SNX29: variants seen among roughly 807,000 people sequenced by gnomAD.
SNX29 encodes the protein sorting nexin-29.
SNX29 carries 78 observed loss-of-function variants against 102.1 expected under a neutral mutation model. That is an observed-to-expected ratio of 0.76 (90% CI 0.64 to 0.92). SNX29 has a LOEUF of 0.92. SNX29 is among the 40% of genes least tolerant of loss of function. The pLI is 0.00. For missense variants in SNX29, 1,280 were observed against 1,061.7 expected, an observed-to-expected ratio of 1.21 and a Z score of -2.86; for synonymous variants, 580 against 414.5, an observed-to-expected ratio of 1.40 and a Z score of -4.85.
chr16:12,558,956 C>T (rs1009608014), intron 20 of SNX29, among the ~76,000 whole-genome samples: 1 of 152,188 alleles, frequency 6.6e-6, no homozygotes, highest in Non-Finnish European at 1.5e-5. Flanking sequence ...CCCCATGTTT[C>T]AGGTAACAGA....
intron 13 of SNX29, among the ~76,000 whole-genome samples, chr16:12,153,023 C>G (rs1345386379): frequency 1.3e-5 from 2 of 152,214 alleles, no homozygotes; most frequent in Admixed American, 1.3e-4. Context: ...TGGTGATTGT[C>G]AGAGTGTCTC....
intron 14 of SNX29, among the ~76,000 whole-genome samples, chr16:12,233,815 G>A (rs1444653245): frequency 1.3e-5 from 2 of 152,144 alleles, no homozygotes; most frequent in African/African-American, 4.8e-5. Context: ...CTCTGTGGAT[G>A]TGCCTGTTCT....
At chr16:12,330,180 G>C (rs1033856574) in intron 15 of SNX29, among the ~76,000 whole-genome samples, 1 of 152,184 alleles carries the variant, frequency 6.6e-6, no homozygotes, top group Non-Finnish European at 1.5e-5. Context: ...CCTGGTGCCT[G>C]GGACAGAGAT....
intron 18 of SNX29, among the ~76,000 whole-genome samples, chr16:12,449,659 A>G (rs936998470): frequency 1.3e-5 from 2 of 152,118 alleles, no homozygotes; most frequent in Admixed American, 6.5e-5. Flanking sequence ...AGAAGTCACA[A>G]TCACTTCAGA....
At chr16:12,187,801 A>G (rs1275287575) in intron 13 of SNX29, among the ~76,000 whole-genome samples, 1 of 152,114 alleles carries the variant, frequency 6.6e-6, no homozygotes, top group African/African-American at 2.4e-5. Context: ...ACATTAGGGT[A>G]TTCCACACTG....
chr16:12,538,977 G>C (rs915792500), intron 20 of SNX29, among the ~76,000 whole-genome samples: 2 of 152,186 alleles, frequency 1.3e-5, no homozygotes, highest in East Asian at 3.9e-4. Flanking sequence ...GATATAAATA[G>C]GGAGAAGATA....
At chr16:11,976,879 A>G in intron 1 of SNX29, 66 bp downstream of exon 1, 3 of 1,300,746 alleles carry the variant, frequency 2.3e-6, no homozygotes, top group South Asian at 4.4e-5. Context: ...CCAGCTGCAC[A>G]CTCCGGCCCC....
intron 15 of SNX29, among the ~76,000 whole-genome samples, chr16:12,344,305 A>G (rs138958533): frequency 5.0e-4 from 76 of 152,344 alleles, no homozygotes; most frequent in African/African-American, 1.8e-3. Flanking sequence ...GAGATTGTCC[A>G]GCATGGTGGT....
At chr16:12,280,598 G>A (rs2079400713) in intron 15 of SNX29, among the ~76,000 whole-genome samples, 1 of 152,210 alleles carries the variant, frequency 6.6e-6, no homozygotes, top group African/African-American at 2.4e-5. Context: ...GTGTGAGGTT[G>A]AAGCAGACAT....
chr16:11,986,374 TAAAAAAA>T (rs33924503), intron 1 of SNX29, among the ~76,000 whole-genome samples: 3 of 131,090 alleles, frequency 2.3e-5, no homozygotes, highest in African/African-American at 8.7e-5. Flanking sequence ...TCCTACAACT[TAAAAAAA>T]AAAAAAAAAA....
chr16:12,058,396 C>T (rs895465065), intron 8 of SNX29, among the ~76,000 whole-genome samples: 1 of 151,554 alleles, frequency 6.6e-6, no homozygotes, highest in Non-Finnish European at 1.5e-5. Flanking sequence ...AATCAAGGCA[C>T]CAGATACTGA....
At chr16:12,235,857 T>A (rs1170645424) in intron 14 of SNX29, among the ~76,000 whole-genome samples, 1 of 151,762 alleles carries the variant, frequency 6.6e-6, no homozygotes, top group South Asian at 2.1e-4. Flanking sequence ...GACATAAAAA[T>A]CACAGTTCTT....
At chr16:12,352,527 TGATA>T (rs1247435849) in intron 15 of SNX29, among the ~76,000 whole-genome samples, 2 of 152,174 alleles carry the variant, frequency 1.3e-5, no homozygotes, top group African/African-American at 4.8e-5. Flanking sequence ...AAAAAAAATT[TGATA>T]GATGTTGCCA....
intron 14 of SNX29, among the ~76,000 whole-genome samples, chr16:12,203,215 G>A (rs941853676): frequency 2.6e-4 from 39 of 151,046 alleles, no homozygotes; most frequent in Admixed American, 1.5e-3. Flanking sequence ...GTTGTATAGC[G>A]TGGCCCCACT....
intron 13 of SNX29, among the ~76,000 whole-genome samples, chr16:12,195,743 G>T (rs2076756681): frequency 6.6e-6 from 1 of 152,144 alleles, no homozygotes; most frequent in African/African-American, 2.4e-5. Context: ...AAAGGATATG[G>T]GTTTAAATCC....
chr16:12,459,023 C>A (rs1342833160), intron 18 of SNX29, among the ~76,000 whole-genome samples: 1 of 150,764 alleles, frequency 6.6e-6, no homozygotes, highest in East Asian at 2.0e-4. Context: ...CCCTTTCTCC[C>A]TTCCTCCTCC....
intron 4 of SNX29, among the ~76,000 whole-genome samples, chr16:12,028,469 T>A (rs1375907850): frequency 6.6e-6 from 1 of 152,064 alleles, no homozygotes; most frequent in Non-Finnish European, 1.5e-5. Flanking sequence ...GCTCAAGTGA[T>A]CCCCTTGCCT....
intron 20 of SNX29, among the ~76,000 whole-genome samples, chr16:12,560,409 C>T (rs868530357): frequency 6.6e-6 from 1 of 152,158 alleles, no homozygotes; most frequent in Non-Finnish European, 1.5e-5. Context: ...CCAAAAGCCA[C>T]AGTGTCTGTC....
intron 14 of SNX29, among the ~76,000 whole-genome samples, chr16:12,209,394 T>G (rs2077125569): frequency 6.6e-6 from 1 of 152,232 alleles, no homozygotes; most frequent in African/African-American, 2.4e-5. Context: ...TTTGCCATGT[T>G]GGCCAGACTG....
Sources: allele counts gnomAD v4.1 joint callset (sites outside exome capture counted in the v4.1 genomes callset), GRCh38; gene constraint gnomAD v4.1.1; transcripts MANE v1.5; gene names NCBI Gene and HGNC (gene_info 2026-07-23, HGNC 2026-07-21).